Variants in RBP4 observed in about 807,000 individuals in gnomAD.
RBP4 encodes the protein retinol binding protein 4, also known as retinol-binding protein 4.
Under a neutral mutation model 26.2 loss-of-function variants are expected in RBP4, and 9 were observed. The observed-to-expected ratio is 0.34, with a 90% CI of 0.21 to 0.60. RBP4 has a LOEUF of 0.60. Ranked by LOEUF, RBP4 falls within the 20% of genes least tolerant of loss-of-function variation. The pLI is 0.80. For missense variants in RBP4, 244 were observed against 271.3 expected (o/e 0.90, Z 0.71); for synonymous variants, 114 against 111.0 (o/e 1.03, Z -0.17).
intron 4 of RBP4, among the ~76,000 whole-genome samples, chr10:93,599,670 T>C (rs2058323614): frequency 6.6e-6 from 1 of 152,228 alleles, no homozygotes; most frequent in Admixed American, 6.5e-5. Flanking sequence ...TTCCATGATA[T>C]GTGTCCCCTG....
intron 4 of RBP4, among the ~76,000 whole-genome samples, chr10:93,599,494 C>T (rs2058322299): frequency 6.6e-6 from 1 of 152,132 alleles, no homozygotes; most frequent in Non-Finnish European, 1.5e-5. Flanking sequence ...GATTAGGAGT[C>T]CCTGCAGTTC....
chr10:93,600,746 C>A lies in RBP4; in HGVS notation c.169G>T (p.Asp57Tyr). The A allele has an allele frequency of 6.2e-7, 1 of 1,611,732 alleles. No homozygotes were observed. The highest frequency in any genetic ancestry group is 8.5e-7 in the Non-Finnish European group (1 of 1,179,022). ...KKDPEGLFLQ[D>Y]NIVAEFSVDE... ...ACGGAGAACTCCGCGACGATGTTGT[C>A]CTGCAGAAAGAGGCCCTCGGGGTCC... The change falls in exon 3 of 6, where the codon GAC becomes TAC. Residue 57 changes from aspartate to tyrosine, a missense_variant. Transcript: ENST00000371464.
At chr10:93,593,651 C>T (rs1176755098) in intron 5 of RBP4, among the ~76,000 whole-genome samples, 172 bp downstream of exon 5, 1 of 152,164 alleles carries the variant, frequency 6.6e-6, no homozygotes, top group Non-Finnish European at 1.5e-5. Flanking sequence ...TATGAGAAGG[C>T]CAGTGAAAAA....
At chr10:93,598,814 T>G (rs1256224079) in intron 4 of RBP4, among the ~76,000 whole-genome samples, 1 of 152,246 alleles carries the variant, frequency 6.6e-6, no homozygotes, top group African/African-American at 2.4e-5. Flanking sequence ...ATTAATAATC[T>G]TGTACCTCTG....
chr10:93,594,749 T>C (rs569156024), intron 4 of RBP4, among the ~76,000 whole-genome samples: 1 of 152,216 alleles, frequency 6.6e-6, no homozygotes, highest in Non-Finnish European at 1.5e-5. Flanking sequence ...TTAGATTATA[T>C]GTATTCCTCA....
chr10:93,600,097 A>G (rs1054751197), intron 4 of RBP4, among the ~76,000 whole-genome samples: 8 of 152,190 alleles, frequency 5.3e-5, no homozygotes, highest in African/African-American at 1.9e-4. Context: ...AGGAGGAGAA[A>G]GCATGGAGAA....
upstream of RBP4, chr10:93,601,525 A>G (rs947788713): frequency 1.8e-5 from 12 of 675,222 alleles, no homozygotes; most frequent in Admixed American, 3.1e-4. Context: ...GCTGCGGTCT[A>G]GGGTGGCCTC....
At chr10:93,593,714 C>T in intron 5 of RBP4, 109 bp downstream of exon 5, 3 of 1,304,532 alleles carry the variant, frequency 2.3e-6, no homozygotes, top group Non-Finnish European at 3.3e-6. Flanking sequence ...CCAAGAACCC[C>T]TGTTTTCTCT....
At position 93,596,610 on chromosome 10, in the gene RBP4, G is replaced by A. The variant is rs560079036; in HGVS notation, c.356-2575C>T. ...TTGGAGGCAGTGGCTGTGTGGCTGG[G>A]AGCCCCTGCCTCCCCTCTACCATCC... On this transcript the variant is annotated intron_variant, in intron 4 of 5. Transcript: ENST00000371464. Among the ~76,000 whole-genome samples the A allele has an allele frequency of 5.3e-5, 8 of 152,328 alleles. No individual in the cohort carries two copies. The South Asian group carries it at 8.3e-4, about 16-fold the overall frequency.
At chr10:93,594,343 G>C (rs566759714) in intron 4 of RBP4, among the ~76,000 whole-genome samples, 1 of 152,172 alleles carries the variant, frequency 6.6e-6, no homozygotes, top group East Asian at 1.9e-4. Flanking sequence ...CCAAGAATGT[G>C]GGCTCATCAA....
chr10:93,595,412 A>C (rs1487465925), intron 4 of RBP4, among the ~76,000 whole-genome samples: 1 of 152,174 alleles, frequency 6.6e-6, no homozygotes, highest in African/African-American at 2.4e-5. Context: ...AGGCACAGAG[A>C]TACTTAATAA....
chr10:93,601,163 C>T lies in RBP4; in HGVS notation c.-19+8G>A. ...GCCGCCGGCCCCGAGGCCCCGGCCG[C>T]GACTCACCACCGGGAGGGGAACCGC... is the stretch of plus-strand genomic sequence containing the variant. On this transcript the variant is annotated splice_region_variant and intron_variant, in intron 1 of 5. Coordinates refer to ENST00000371464, the MANE Select transcript of RBP4 (RefSeq NM_006744.4). 2 of 1,455,678 alleles carry T rather than the reference C, an allele frequency of 1.4e-6. No individual in the cohort carries two copies. The highest frequency in any genetic ancestry group is 2.8e-5 in the South Asian group (2 of 71,156). 90.2% of individuals were successfully genotyped at this position (1,455,678 alleles called of 1,614,324 possible).
At chr10:93,594,448 T>C (rs570855866) in intron 4 of RBP4, among the ~76,000 whole-genome samples, 30 of 152,300 alleles carry the variant, frequency 2.0e-4, no homozygotes, top group African/African-American at 7.2e-4. Context: ...CACCAACTTA[T>C]GTTACCCCCA....
chr10:93,596,301 T>C lies in RBP4; in HGVS notation c.356-2266A>G, dbSNP rs11187544. ...ACTTGGATTTAGTAAAATTGGCTAC[T>C]GTTCTTGACTTTAAAAGAAGGCCTA... On this transcript the variant is annotated intron_variant, in intron 4 of 5. Coordinates refer to ENST00000371464, the MANE Select transcript of RBP4 (RefSeq NM_006744.4). 6.2e-3 allele frequency among the ~76,000 whole-genome samples: 940 copies of C among 152,178 alleles called. 12 individuals carry two copies. Among genetic ancestry groups the C allele is most frequent in the African/African-American group, 0.021 (887 of 41,526 alleles).
At chr10:93,599,893 T>C (rs943636469) in intron 4 of RBP4, among the ~76,000 whole-genome samples, 1 of 152,210 alleles carries the variant, frequency 6.6e-6, no homozygotes, top group Non-Finnish European at 1.5e-5. Context: ...CAGCACACTG[T>C]GCCTGGCTCA....
chr10:93,592,620 A>G (rs1405734710), intron 5 of RBP4, among the ~76,000 whole-genome samples: 1 of 152,110 alleles, frequency 6.6e-6, no homozygotes, highest in Non-Finnish European at 1.5e-5. Context: ...CCTCATTGTC[A>G]GCCTCTGTTT....
chr10:93,593,688 C>T, intron 5 of RBP4, 135 bp downstream of exon 5: 1 of 1,002,730 alleles, frequency 1.0e-6, no homozygotes, highest in Non-Finnish European at 1.5e-6. Context: ...CTGGATTTGG[C>T]CTCAGAAAGG....
chr10:93,601,700 A>T, upstream of RBP4: 1 of 779,082 alleles, frequency 1.3e-6, no homozygotes, highest in Non-Finnish European at 2.4e-6. Flanking sequence ...TTGTGCAGGA[A>T]TTTTGGAATA....
intron 2 of RBP4, 37 bp downstream of exon 2, chr10:93,600,881 G>T (rs748825583): frequency 2.5e-6 from 4 of 1,608,278 alleles, no homozygotes; most frequent in Non-Finnish European, 3.4e-6. Context: ...ATGGGGTGGG[G>T]ACCTGGGCCG....
Sources: gnomAD v4.1 joint callset for allele counts (sites outside exome capture counted in the v4.1 genomes callset) on GRCh38, gnomAD v4.1.1 for gene constraint, MANE v1.5 for transcripts, NCBI Gene and HGNC (gene_info 2026-07-23, HGNC 2026-07-21) for gene names.